Variants in CSMD3 observed in about 807,000 individuals in gnomAD.
The protein encoded by CSMD3 is CUB and Sushi multiple domains 3.
Under a neutral mutation model 435.2 loss-of-function variants are expected in CSMD3, and 177 were observed. That is an observed-to-expected ratio of 0.41 (90% CI 0.36 to 0.46). The LOEUF is 0.46. CSMD3 is among the 20% of genes least tolerant of loss of function. The pLI, the probability that CSMD3 is intolerant of heterozygous loss-of-function variation, is 0.34. For synonymous variants in CSMD3, 1,656 were observed against 1,520.5 expected, an observed-to-expected ratio of 1.09 and a Z score of -2.07; for missense variants, 4,265 against 4,504.6, an observed-to-expected ratio of 0.95 and a Z score of 1.52.
chr8:112,593,508 T>G (rs1831380754), intron 22 of CSMD3, among the ~76,000 whole-genome samples: 1 of 152,204 alleles, frequency 6.6e-6, no homozygotes, highest in African/African-American at 2.4e-5. Flanking sequence ...ATAAATTTGG[T>G]ATGCCTGTTG....
At chr8:113,287,110 G>A (rs1047676560) in intron 2 of CSMD3, among the ~76,000 whole-genome samples, 1 of 151,994 alleles carries the variant, frequency 6.6e-6, no homozygotes, top group African/African-American at 2.4e-5. Flanking sequence ...AGTTTCTTTA[G>A]TGATGTGACT....
chr8:112,903,148 T>C (rs2082152700), intron 10 of CSMD3, among the ~76,000 whole-genome samples: 1 of 73,286 alleles, frequency 1.4e-5, no homozygotes, highest in Admixed American at 2.1e-4. Context: ...GTGGCAGTCT[T>C]GGCAAAAAAA....
intron 5 of CSMD3, among the ~76,000 whole-genome samples, chr8:113,072,211 C>T (rs2089152030): frequency 6.6e-6 from 1 of 151,654 alleles, no homozygotes; most frequent in African/African-American, 2.4e-5. Context: ...TTGGTGAGAA[C>T]TTAGGGTTTT....
chr8:112,555,258 T>G (rs2131216293), intron 25 of CSMD3, among the ~76,000 whole-genome samples: 1 of 152,076 alleles, frequency 6.6e-6, no homozygotes, highest in Admixed American at 6.6e-5. Flanking sequence ...GTATAAAACC[T>G]TTCCAAAAAG....
intron 20 of CSMD3, among the ~76,000 whole-genome samples, chr8:112,641,837 A>AAAC (rs1563801864): frequency 0.015 from 2,289 of 152,178 alleles, 52 homozygotes; most frequent in African/African-American, 0.053. Flanking sequence ...AAAAACATAA[A>AAAC]AAACAAACAA....
chr8:113,273,286 T>A (rs1243866903), intron 3 of CSMD3, among the ~76,000 whole-genome samples: 1 of 152,080 alleles, frequency 6.6e-6, no homozygotes, highest in Non-Finnish European at 1.5e-5. Context: ...ACATTTTGAA[T>A]ACATTAAAAA....
chr8:112,853,343 A>G (rs932407471), intron 11 of CSMD3, among the ~76,000 whole-genome samples: 2 of 152,030 alleles, frequency 1.3e-5, no homozygotes, highest in African/African-American at 2.4e-5. Flanking sequence ...CTCCTGCCTC[A>G]GCCTCCCTGG....
chr8:113,153,101 A>AAAGGAAAGAAAGAAAGAAAGAAAGAAAG (rs35085690), intron 4 of CSMD3, among the ~76,000 whole-genome samples: 2 of 99,994 alleles, frequency 2.0e-5, no homozygotes, highest in African/African-American at 4.7e-5. Flanking sequence ...AGAAAGAAAG[A>AAAGGAAAGAAAGAAAGAAAGAAAGAAAG]AAAGAAAGAA....
intron 4 of CSMD3, among the ~76,000 whole-genome samples, chr8:113,108,139 A>G (rs1343197926): frequency 6.6e-6 from 1 of 152,112 alleles, no homozygotes; most frequent in Non-Finnish European, 1.5e-5. Flanking sequence ...TTTTAAGAAC[A>G]AGATATGAGG....
chr8:113,319,478 A>T (rs2093934258), intron 1 of CSMD3, among the ~76,000 whole-genome samples: 1 of 152,026 alleles, frequency 6.6e-6, no homozygotes, highest in Non-Finnish European at 1.5e-5. Context: ...ACAAAAATGT[A>T]GTTTGAAAAT....
At chr8:112,956,240 T>G (rs1302896422) in intron 7 of CSMD3, among the ~76,000 whole-genome samples, 1 of 152,132 alleles carries the variant, frequency 6.6e-6, no homozygotes, top group Non-Finnish European at 1.5e-5. Flanking sequence ...CTGTGAATCC[T>G]TATTCATGGT....
At chr8:113,434,285 G>A (rs536851540) in intron 1 of CSMD3, among the ~76,000 whole-genome samples, 5 of 152,230 alleles carry the variant, frequency 3.3e-5, no homozygotes, top group Non-Finnish European at 7.4e-5. Flanking sequence ...TCCTTACAAC[G>A]GCTCCCCAGT....
At chr8:112,671,990 C>T (rs2075667777) in intron 16 of CSMD3, among the ~76,000 whole-genome samples, 1 of 151,786 alleles carries the variant, frequency 6.6e-6, no homozygotes, top group African/African-American at 2.4e-5. Context: ...GTGCTAGCTG[C>T]TGAAATTGAA....
intron 20 of CSMD3, among the ~76,000 whole-genome samples, chr8:112,640,343 A>C (rs2074788816): frequency 6.6e-6 from 1 of 152,088 alleles, no homozygotes; most frequent in Non-Finnish European, 1.5e-5. Context: ...AAAATTCCAA[A>C]ATATCAGAGT....
At chr8:112,814,700 T>C (rs2079323739) in intron 12 of CSMD3, among the ~76,000 whole-genome samples, 1 of 151,834 alleles carries the variant, frequency 6.6e-6, no homozygotes, top group Non-Finnish European at 1.5e-5. Context: ...GAGGATTGCT[T>C]GAACCTGGAA....
chr8:112,547,082 T>C (rs1827247428), intron 27 of CSMD3, among the ~76,000 whole-genome samples: 1 of 152,198 alleles, frequency 6.6e-6, no homozygotes, highest in Non-Finnish European at 1.5e-5. Flanking sequence ...TAAATTGTAC[T>C]AATCGGGGAA....
chr8:113,015,130 C>A (rs1372899797), intron 6 of CSMD3, among the ~76,000 whole-genome samples: 1 of 151,928 alleles, frequency 6.6e-6, no homozygotes, highest in African/African-American at 2.4e-5. Context: ...TGAACTATGC[C>A]AAAGTTACTT....
At chr8:113,222,630 G>C (rs2092981817) in intron 3 of CSMD3, among the ~76,000 whole-genome samples, 1 of 150,932 alleles carries the variant, frequency 6.6e-6, no homozygotes, top group South Asian at 2.1e-4. Flanking sequence ...GTTATTTTCA[G>C]ACAAATTATG....
intron 12 of CSMD3, among the ~76,000 whole-genome samples, chr8:112,821,965 TG>T (rs2079542659): frequency 6.6e-6 from 1 of 152,164 alleles, no homozygotes; most frequent in Admixed American, 6.5e-5. Flanking sequence ...GCTGTAGATG[TG>T]TGATGTTATT....
Sources: gnomAD v4.1 joint callset for allele counts (sites outside exome capture counted in the v4.1 genomes callset) on GRCh38, gnomAD v4.1.1 for gene constraint, MANE v1.5 for transcripts, NCBI Gene and HGNC (gene_info 2026-07-23, HGNC 2026-07-21) for gene names.